The following SETD3 variants were observed in gnomAD, a reference collection of about 807,000 sequenced individuals.
SETD3 encodes the protein SET domain containing 3, actin N3(tau)-histidine methyltransferase, also known as actin-histidine N-methyltransferase.
Under a neutral mutation model 63.0 loss-of-function variants are expected in SETD3, and 19 were observed. The ratio of observed to expected loss-of-function variants is 0.30; its 90% CI spans 0.21 to 0.44. SETD3 has a LOEUF of 0.44. Ranked by LOEUF, SETD3 falls within the 20% of genes least tolerant of loss-of-function variation. SETD3 has a pLI of 1.00. For synonymous variants in SETD3, 286 were observed against 264.1 expected (o/e 1.08, Z -0.80); for missense variants, 587 against 728.5 (o/e 0.81, Z 2.24).
chr14:99,405,390 A>G lies in SETD3; in HGVS notation c.925-19T>C. ...TGTAAATCTGAGATGCAGTAAAGAAAAAAGAAAAGGGCATTAGACAAACTT... is the reference window on the plus strand; with the variant it reads ...TGTAAATCTGAGATGCAGTAAAGAAGAAAGAAAAGGGCATTAGACAAACTT... On this transcript the variant is annotated intron_variant, in intron 9 of 12. Coordinates refer to ENST00000331768, the MANE Select transcript of SETD3 (RefSeq NM_032233.3). 6.2e-7 allele frequency: 1 copy of G among 1,608,240 alleles called. No homozygotes were observed. The highest frequency in any genetic ancestry group is 8.5e-7 in the Non-Finnish European group (1 of 1,177,706).
At chr14:99,473,231 C>T (rs769208854) in intron 1 of SETD3, among the ~76,000 whole-genome samples, 3 of 152,168 alleles carry the variant, frequency 2.0e-5, no homozygotes, top group Non-Finnish European at 4.4e-5. Context: ...GAATCTGAAT[C>T]GTGGAATAAA....
chr14:99,436,859 C>G (rs2139706190), intron 6 of SETD3, among the ~76,000 whole-genome samples: 1 of 152,270 alleles, frequency 6.6e-6, no homozygotes, highest in East Asian at 1.9e-4. Flanking sequence ...TCCATTTTAG[C>G]AAGATTCCTG....
Position 99,403,453 on chromosome 14 carries a change from A to ACTCTCTCTCTCTCTCTCT in SETD3, c.1177+771_1177+772insAGAGAGAGAGAGAGAGAG, listed in dbSNP as rs1188702914. On this transcript the variant is annotated intron_variant, in intron 11 of 12. Coordinates refer to ENST00000331768, the MANE Select transcript of SETD3 (RefSeq NM_032233.3). ...CATACACACACACACACACACACAC[A>ACTCTCTCTCTCTCTCTCT]CACTCTCTCTCTCTCTCTCTCTCTC... Among the ~76,000 whole-genome samples the ACTCTCTCTCTCTCTCTCT allele has an allele frequency of 7.3e-4, 77 of 106,172 alleles. No homozygotes were observed. In the East Asian group the frequency reaches 9.9e-3, roughly 14 times the overall value. The allele number at this position is 106,172 out of a possible 152,430, so 69.7% of individuals were successfully genotyped here. A position where few individuals can be genotyped will look rare whatever the true frequency, so the allele number is the denominator to read the frequency against.
At chr14:99,429,003 GA>G (rs1464890979) in intron 6 of SETD3, among the ~76,000 whole-genome samples, 1 of 151,716 alleles carries the variant, frequency 6.6e-6, no homozygotes, top group Non-Finnish European at 1.5e-5. Flanking sequence ...AAGCAGCAAA[GA>G]AAAAAAAATT....
intron 1 of SETD3, among the ~76,000 whole-genome samples, chr14:99,479,529 C>A (rs1896149630): frequency 6.6e-6 from 1 of 152,178 alleles, no homozygotes; most frequent in Non-Finnish European, 1.5e-5. Context: ...ATAATAAACA[C>A]TTCTCCGAGA....
At chr14:99,450,554 A>G (rs1310518786) in intron 6 of SETD3, among the ~76,000 whole-genome samples, 10 of 152,202 alleles carry the variant, frequency 6.6e-5, no homozygotes, top group African/African-American at 2.4e-4. Flanking sequence ...CTGGCTAGGT[A>G]GGAGTTGCCT....
intron 6 of SETD3, among the ~76,000 whole-genome samples, chr14:99,440,205 A>G (rs1315941037): frequency 1.3e-5 from 2 of 152,240 alleles, no homozygotes; most frequent in East Asian, 3.8e-4. Flanking sequence ...ATAAAAATAA[A>G]CACAGTATCC....
chr14:99,399,873 C>T (rs1005346515), intron 12 of SETD3, among the ~76,000 whole-genome samples: 3 of 151,228 alleles, frequency 2.0e-5, no homozygotes, highest in African/African-American at 7.3e-5. Flanking sequence ...GCCTCAGCCT[C>T]CTGAGTAGCT....
upstream of SETD3, among the ~76,000 whole-genome samples, chr14:99,485,646 A>T (rs1431112438): frequency 6.6e-6 from 1 of 152,166 alleles, no homozygotes; most frequent in Non-Finnish European, 1.5e-5. Flanking sequence ...CAATAACAAA[A>T]CCTACTCCCT....
intron 6 of SETD3, among the ~76,000 whole-genome samples, chr14:99,433,204 A>G (rs947767792): frequency 6.6e-6 from 1 of 152,134 alleles, no homozygotes; most frequent in Admixed American, 6.5e-5. Flanking sequence ...TGATGGTTAC[A>G]CAACATTGTC....
Position 99,440,892 on chromosome 14 carries a change from C to T in SETD3, c.675+17387G>A, listed in dbSNP as rs1893771987. ...CAAGCCAGTTATCTGAAGAGATGCT[C>T]GATTAAATCTAATAAAAGCTAAGGA... On this transcript the variant is annotated intron_variant, in intron 6 of 12. Coordinates refer to ENST00000331768, the MANE Select transcript of SETD3 (RefSeq NM_032233.3). Among the ~76,000 whole-genome samples, 3 of 151,898 alleles carry T rather than the reference C, an allele frequency of 2.0e-5. 1 individual carries two copies. The South Asian group carries it at 6.2e-4, about 31-fold the overall frequency.
At chr14:99,457,756 A>G (rs1296582447) in intron 6 of SETD3, among the ~76,000 whole-genome samples, 2 of 152,264 alleles carry the variant, frequency 1.3e-5, no homozygotes, top group Non-Finnish European at 2.9e-5. Flanking sequence ...GAAAGGTGTC[A>G]TCACAGGTAA....
At chr14:99,481,556 G>A, upstream of SETD3, 1 of 398,318 alleles carries the variant, frequency 2.5e-6, no homozygotes. Context: ...ATGGCCAACC[G>A]CCGCTATCCA....
At chr14:99,414,512 T>C (rs1892184249) in intron 6 of SETD3, among the ~76,000 whole-genome samples, 1 of 152,234 alleles carries the variant, frequency 6.6e-6, no homozygotes, top group Non-Finnish European at 1.5e-5. Context: ...TCAGGAGAAG[T>C]GCAGGTCTAT....
chr14:99,472,915 T>C (rs182569759), intron 1 of SETD3, among the ~76,000 whole-genome samples: 191 of 152,306 alleles, frequency 1.3e-3, no homozygotes, highest in Non-Finnish European at 2.4e-3. Context: ...TATACAATTA[T>C]AGTTAGTCAT....
At chr14:99,406,782 T>A (rs1891705072) in intron 8 of SETD3, among the ~76,000 whole-genome samples, 192 bp from the exon 9 acceptor site, 1 of 152,232 alleles carries the variant, frequency 6.6e-6, no homozygotes, top group Non-Finnish European at 1.5e-5. Flanking sequence ...ATATCAGAGA[T>A]GATTATGGAA....
intron 1 of SETD3, among the ~76,000 whole-genome samples, chr14:99,467,186 T>C (rs769420754): frequency 6.6e-6 from 1 of 152,210 alleles, no homozygotes; most frequent in African/African-American, 2.4e-5. Flanking sequence ...AACACATTAA[T>C]ATAATAAGTC....
intron 6 of SETD3, among the ~76,000 whole-genome samples, chr14:99,428,371 G>A (rs1892996840): frequency 6.6e-6 from 1 of 152,174 alleles, no homozygotes; most frequent in Non-Finnish European, 1.5e-5. Flanking sequence ...GGGGTTGGGT[G>A]CAGTGGCTCA....
At chr14:99,468,241 G>T (rs1895504349) in intron 1 of SETD3, among the ~76,000 whole-genome samples, 1 of 149,640 alleles carries the variant, frequency 6.7e-6, no homozygotes, top group African/African-American at 2.5e-5. Flanking sequence ...CCACAACCCT[G>T]CCAGCAGCCA....
Sources: gnomAD v4.1 joint callset for allele counts (sites outside exome capture counted in the v4.1 genomes callset) on GRCh38, gnomAD v4.1.1 for gene constraint, MANE v1.5 for transcripts, NCBI Gene and HGNC (gene_info 2026-07-23, HGNC 2026-07-21) for gene names.